PRKG1: variants seen among roughly 807,000 people sequenced by gnomAD.
PRKG1 encodes the protein protein kinase cGMP-dependent 1, also known as cGMP-dependent protein kinase 1.
PRKG1 carries 35 observed loss-of-function variants against 88.1 expected under a neutral mutation model. That is an observed-to-expected ratio of 0.40 (90% CI 0.30 to 0.53). PRKG1 has a LOEUF of 0.53. PRKG1 is among the 20% of genes least tolerant of loss of function. The probability of loss-of-function intolerance (pLI) is 0.59; values close to 1 mark genes in which losing one functional copy is unlikely to be tolerated. For missense variants in PRKG1, 540 were observed against 839.8 expected, an observed-to-expected ratio of 0.64 and a Z score of 4.41; for synonymous variants, 303 against 292.5, an observed-to-expected ratio of 1.04 and a Z score of -0.37.
intron 3 of PRKG1, among the ~76,000 whole-genome samples, chr10:51,721,763 T>C (rs1342069674): frequency 6.7e-6 from 1 of 150,224 alleles, no homozygotes; most frequent in Non-Finnish European, 1.5e-5. Flanking sequence ...CATGTTCCTG[T>C]GTGAAATGGC....
At chr10:51,125,372 A>C (rs551326173) in intron 1 of PRKG1, among the ~76,000 whole-genome samples, 1 of 150,874 alleles carries the variant, frequency 6.6e-6, no homozygotes, top group African/African-American at 2.4e-5. Context: ...AAAAAATTAT[A>C]AAGTATAAAT....
chr10:51,068,115 G>T lies in PRKG1; in HGVS notation c.266+76471G>T, dbSNP rs562241621. On this transcript the variant is annotated intron_variant, in intron 1 of 17. Coordinates refer to the PRKG1 transcript ENST00000401604. ...AAGAATAATACGTGGCAATATCTTGGCCCTGGAATGATATCCATTTGCTTT... is the reference window on the plus strand; with the variant it reads ...AAGAATAATACGTGGCAATATCTTGTCCCTGGAATGATATCCATTTGCTTT... Among the ~76,000 whole-genome samples the T allele has an allele frequency of 2.6e-5, 4 of 151,996 alleles. No individual in the cohort carries two copies. The South Asian group carries it at 8.3e-4, about 31-fold the overall frequency.
chr10:52,106,220 T>G lies in PRKG1; in HGVS notation c.936-27620T>G, dbSNP rs527397003. On this transcript the variant is annotated intron_variant, in intron 7 of 17. Transcript: ENST00000373980. ...TGAAGGCCTTCCAGGTGTCCAGCAC[T>G]GAATTGGACCTGTTGGAGATGTTGG... Among the ~76,000 whole-genome samples, 21 of 152,300 alleles carry G rather than the reference T, an allele frequency of 1.4e-4. 1 individual carries two copies. In the South Asian group the frequency reaches 4.4e-3, roughly 32 times the overall value.
intron 7 of PRKG1, among the ~76,000 whole-genome samples, chr10:52,130,025 T>A (rs1323511639): frequency 1.3e-5 from 2 of 152,192 alleles, no homozygotes; most frequent in Non-Finnish European, 2.9e-5. Context: ...TTCCCTAACC[T>A]CTATTCTCAG....
At chr10:52,211,187 C>T (rs972981883) in intron 9 of PRKG1, among the ~76,000 whole-genome samples, 1 of 152,134 alleles carries the variant, frequency 6.6e-6, no homozygotes, top group Non-Finnish European at 1.5e-5. Context: ...GATCTGTATA[C>T]ACGTATCATG....
chr10:51,464,741 A>G lies in PRKG1; in HGVS notation c.479-2982A>G, dbSNP rs1049279733. 7.3e-5 allele frequency among the ~76,000 whole-genome samples: 11 copies of G among 151,276 alleles called. No individual in the cohort carries two copies. The East Asian group carries it at 2.1e-3, about 29-fold the overall frequency. ...CCCGTCTCTACTAAAAATACAAAAA[A>G]TTAGCCGGGCGTAGTGGCGGGCGCC... On this transcript the variant is annotated intron_variant, in intron 2 of 17. Transcript: ENST00000373980.
intron 5 of PRKG1, chr10:51,908,366 A>G (rs1302841844): frequency 6.6e-6 from 1 of 152,174 alleles, no homozygotes; most frequent in Admixed American, 6.5e-5. Flanking sequence ...AAAATGTCAT[A>G]CAGGAATAGT....
upstream of PRKG1, among the ~76,000 whole-genome samples, chr10:51,069,663 A>G (rs936555788): frequency 9.9e-5 from 15 of 152,096 alleles, no homozygotes; most frequent in Non-Finnish European, 4.4e-5. Context: ...TGGGTTTGTA[A>G]TGTGCCTAAA....
chr10:51,957,231 T>A (rs1158503473), intron 5 of PRKG1, among the ~76,000 whole-genome samples: 2 of 144,196 alleles, frequency 1.4e-5, no homozygotes, highest in African/African-American at 5.2e-5. Flanking sequence ...TCTCTCTCTT[T>A]CTCTACTTCT....
intron 5 of PRKG1, among the ~76,000 whole-genome samples, chr10:51,925,695 T>C (rs1349238186): frequency 2.0e-5 from 3 of 152,160 alleles, no homozygotes; most frequent in African/African-American, 7.2e-5. Context: ...TTCCCCTAGA[T>C]TTATGATGAA....
chr10:52,010,420 C>G (rs755977355), intron 5 of PRKG1, among the ~76,000 whole-genome samples: 1 of 152,060 alleles, frequency 6.6e-6, no homozygotes, highest in African/African-American at 2.4e-5. Flanking sequence ...CAAAAGAAAA[C>G]ATGCATGCAG....
At chr10:51,331,271 C>T (rs1841734421) in intron 2 of PRKG1, among the ~76,000 whole-genome samples, 1 of 152,008 alleles carries the variant, frequency 6.6e-6, no homozygotes, top group African/African-American at 2.4e-5. Context: ...CTGCCTGCTG[C>T]TGAGGGATGT....
chr10:52,132,863 T>A lies in PRKG1; in HGVS notation c.936-977T>A, dbSNP rs567251225. On this transcript the variant is annotated intron_variant, in intron 7 of 17. Transcript: ENST00000373980. ...TGTACATAGTAGGGAGTACATGAGA[T>A]GTTTTGATACAGGCATGCAATGTAA... 9.2e-5 allele frequency among the ~76,000 whole-genome samples: 14 copies of A among 152,236 alleles called. No homozygotes were observed. In the South Asian group the frequency reaches 2.7e-3, roughly 29 times the overall value.
chr10:52,176,206 G>T (rs12358639), intron 9 of PRKG1, among the ~76,000 whole-genome samples: 28,968 of 135,516 alleles, frequency 0.21, 3,536 homozygotes, highest in Non-Finnish European at 0.28. Flanking sequence ...TAGGGTGAGA[G>T]GTGGAAGTCT....
At chr10:51,615,678 C>G (rs1051241640) in intron 3 of PRKG1, among the ~76,000 whole-genome samples, 5 of 148,932 alleles carry the variant, frequency 3.4e-5, no homozygotes, top group African/African-American at 9.8e-5. Flanking sequence ...TTTAATGATG[C>G]TTGTCTCTTT....
At chr10:52,090,976 G>C (rs1041752132) in intron 7 of PRKG1, among the ~76,000 whole-genome samples, 5 of 152,014 alleles carry the variant, frequency 3.3e-5, no homozygotes, top group African/African-American at 1.2e-4. Context: ...GTTTTCTATT[G>C]CTGCATAACA....
At chr10:51,176,262 A>C (rs1837188467) in intron 2 of PRKG1, among the ~76,000 whole-genome samples, 1 of 152,128 alleles carries the variant, frequency 6.6e-6, no homozygotes, top group Non-Finnish European at 1.5e-5. Context: ...CAGAGAGTGT[A>C]TATTTCTCTC....
At chr10:51,291,425 C>T (rs549495255) in intron 2 of PRKG1, among the ~76,000 whole-genome samples, 25 of 152,102 alleles carry the variant, frequency 1.6e-4, no homozygotes, top group Non-Finnish European at 2.8e-4. Flanking sequence ...AACAAGATAA[C>T]GGTAACTGTA....
intron 3 of PRKG1, among the ~76,000 whole-genome samples, chr10:51,770,126 A>G (rs753100027): frequency 3.3e-5 from 5 of 152,236 alleles, no homozygotes; most frequent in Non-Finnish European, 7.3e-5. Flanking sequence ...AATCTGGCAC[A>G]TTCAAGAGAT....
Sources: allele counts gnomAD v4.1 joint callset (sites outside exome capture counted in the v4.1 genomes callset), GRCh38; gene constraint gnomAD v4.1.1; transcripts MANE v1.5; gene names NCBI Gene and HGNC (gene_info 2026-07-23, HGNC 2026-07-21).